IL1RAPL2: variants seen among roughly 807,000 people sequenced by gnomAD.
IL1RAPL2 encodes X-linked interleukin-1 receptor accessory protein-like 2.
IL1RAPL2 carries 3 observed loss-of-function variants against 44.1 expected under a neutral mutation model. That is an observed-to-expected ratio of 0.07 (90% confidence interval 0.03 to 0.18). IL1RAPL2 has a LOEUF of 0.18. IL1RAPL2 is among the 10% of genes least tolerant of loss of function. The pLI is 1.00. For missense variants in IL1RAPL2, 391 were observed against 496.4 expected (o/e 0.79, Z 2.02); for synonymous variants, 181 against 178.8 (o/e 1.01, Z -0.10).
At chrX:104,626,355 C>A (rs993119410) in intron 1 of IL1RAPL2, among the ~76,000 whole-genome samples, 2 of 108,070 alleles carry the variant, frequency 1.9e-5, no homozygotes, top group Admixed American at 1.0e-4. Flanking sequence ...ACTTTTATGA[C>A]CCTGAGGCAT....
At chrX:105,033,946 C>A (rs1207789725) in intron 2 of IL1RAPL2, among the ~76,000 whole-genome samples, 1 of 109,379 alleles carries the variant, frequency 9.1e-6, no homozygotes, top group African/African-American at 3.3e-5. Flanking sequence ...TTTCTCTAAA[C>A]TTCCCTTCTC....
At chrX:104,943,260 T>A (rs1326560241) in intron 2 of IL1RAPL2, among the ~76,000 whole-genome samples, 1 of 111,222 alleles carries the variant, frequency 9.0e-6, no homozygotes, top group Non-Finnish European at 1.9e-5. Context: ...CCCAGTTTCA[T>A]GGTTTTAAGC....
chrX:105,617,057 C>T (rs1223697246), intron 6 of IL1RAPL2, among the ~76,000 whole-genome samples: 2 of 110,259 alleles, frequency 1.8e-5, no homozygotes, highest in African/African-American at 6.6e-5. Flanking sequence ...CTTTGAGGAA[C>T]AAACTAGATA....
chrX:105,078,729 A>AG (rs2032352777), intron 2 of IL1RAPL2, among the ~76,000 whole-genome samples: 1 of 288 alleles, frequency 3.5e-3, no homozygotes, highest in East Asian at 0.059. Context: ...AGCCTGAGCA[A>AG]TGCGGTCGCC....
At chrX:105,083,869 T>C (rs1293168277) in intron 2 of IL1RAPL2, among the ~76,000 whole-genome samples, 1 of 111,553 alleles carries the variant, frequency 9.0e-6, no homozygotes, top group East Asian at 2.8e-4. Flanking sequence ...CATACCAAAT[T>C]GTAAAGACCA....
At chrX:105,250,687 A>G (rs1233347092) in intron 4 of IL1RAPL2, among the ~76,000 whole-genome samples, 1 of 111,457 alleles carries the variant, frequency 9.0e-6, no homozygotes, top group Non-Finnish European at 1.9e-5. Context: ...ATGTATAAGT[A>G]ATGCAATTTG....
intron 2 of IL1RAPL2, among the ~76,000 whole-genome samples, chrX:105,045,052 G>A (rs1187186294): frequency 2.7e-5 from 3 of 111,305 alleles, no homozygotes; most frequent in Admixed American, 1.9e-4. Flanking sequence ...CAACTTGAAT[G>A]TGTAGTTAGA....
chrX:104,604,136 A>G (rs1015203926), intron 1 of IL1RAPL2, among the ~76,000 whole-genome samples: 4 of 112,139 alleles, frequency 3.6e-5, no homozygotes, highest in Non-Finnish European at 7.5e-5. Flanking sequence ...GCCAGAAGAG[A>G]GTGGGGGCCA....
At chrX:105,280,823 G>A (rs1291747160) in intron 5 of IL1RAPL2, among the ~76,000 whole-genome samples, 1 of 111,439 alleles carries the variant, frequency 9.0e-6, no homozygotes, top group African/African-American at 3.3e-5. Context: ...TTACACTCTT[G>A]GTGGGAGTGT....
chrX:104,871,242 G>A lies in IL1RAPL2; in HGVS notation c.82+212247G>A, dbSNP rs1033722835. ...GTTTGTTTAAAAATATTTTATATTCGAGTTGTCTACTAAAGGAAATTTTCT... is the reference window on the plus strand; with the variant it reads ...GTTTGTTTAAAAATATTTTATATTCAAGTTGTCTACTAAAGGAAATTTTCT... On this transcript the variant is annotated intron_variant, in intron 2 of 10. Coordinates refer to ENST00000372582, the MANE Select transcript of IL1RAPL2 (RefSeq NM_017416.2). Among the ~76,000 whole-genome samples the A allele has an allele frequency of 3.6e-5, 4 of 111,396 alleles. 1 individual carries two copies. The highest frequency in any genetic ancestry group is 7.4e-4 in the South Asian group (2 of 2,693).
At chrX:104,909,479 C>A (rs1319067440) in intron 2 of IL1RAPL2, among the ~76,000 whole-genome samples, 1 of 111,740 alleles carries the variant, frequency 8.9e-6, no homozygotes, top group Non-Finnish European at 1.9e-5. Flanking sequence ...GTGGTTTTAT[C>A]TACTTTTGGT....
At chrX:104,660,620 G>GACACAC (rs3055134) in intron 2 of IL1RAPL2, among the ~76,000 whole-genome samples, 4,022 of 95,487 alleles carry the variant, frequency 0.042, 87 homozygotes, top group Non-Finnish European at 0.061. Flanking sequence ...TGTATGTATA[G>GACACAC]ACACACACAC....
chrX:105,335,183 A>T (rs2035018587), intron 5 of IL1RAPL2, among the ~76,000 whole-genome samples: 2 of 109,859 alleles, frequency 1.8e-5, no homozygotes, highest in Non-Finnish European at 1.9e-5. Flanking sequence ...TGTCTTTGCC[A>T]TGAATTTGGC....
intron 5 of IL1RAPL2, among the ~76,000 whole-genome samples, chrX:105,353,741 A>G (rs1375282256): frequency 9.0e-6 from 1 of 111,020 alleles, no homozygotes; most frequent in Non-Finnish European, 1.9e-5. Flanking sequence ...TTTGTCTGTT[A>G]TTGGTGTATA....
chrX:105,270,435 G>A (rs1445977975), intron 5 of IL1RAPL2, among the ~76,000 whole-genome samples: 1 of 111,703 alleles, frequency 9.0e-6, no homozygotes, highest in African/African-American at 3.2e-5. Context: ...ACTAGGGAAA[G>A]CAATCATTTA....
chrX:105,493,961 A>G (rs2036339374), intron 6 of IL1RAPL2, among the ~76,000 whole-genome samples: 1 of 112,169 alleles, frequency 8.9e-6, no homozygotes, highest in South Asian at 3.7e-4. Context: ...GAAGCACAAG[A>G]CAATATAAGA....
At chrX:105,022,965 T>C (rs1021110673) in intron 2 of IL1RAPL2, among the ~76,000 whole-genome samples, 4 of 110,968 alleles carry the variant, frequency 3.6e-5, no homozygotes, top group African/African-American at 1.3e-4. Flanking sequence ...GAGATGTATA[T>C]ACATGAAAAT....
Position 105,292,566 on chromosome X carries a change from G to T in IL1RAPL2, c.697+25025G>T, listed in dbSNP as rs150300779. Among the ~76,000 whole-genome samples the T allele has an allele frequency of 7.2e-5, 8 of 111,726 alleles. No individual in the cohort carries two copies. In the East Asian group the frequency reaches 2.0e-3, roughly 27 times the overall value. ...TAGAATCAGATATGATAATTTAGTTGTCTTCTGATAAGCCAGGCATTAAAC... is the reference window on the plus strand; with the variant it reads ...TAGAATCAGATATGATAATTTAGTTTTCTTCTGATAAGCCAGGCATTAAAC... On this transcript the variant is annotated intron_variant, in intron 5 of 10. Coordinates refer to ENST00000372582, the MANE Select transcript of IL1RAPL2 (RefSeq NM_017416.2).
At chrX:105,555,727 C>G (rs914995151) in intron 6 of IL1RAPL2, among the ~76,000 whole-genome samples, 1 of 112,203 alleles carries the variant, frequency 8.9e-6, no homozygotes, top group African/African-American at 3.2e-5. Context: ...ATGAGGTTAC[C>G]TCAGAGCTTT....
Sources: allele counts gnomAD v4.1 joint callset (sites outside exome capture counted in the v4.1 genomes callset), GRCh38; gene constraint gnomAD v4.1.1; transcripts MANE v1.5; gene names NCBI Gene and HGNC (gene_info 2026-07-23, HGNC 2026-07-21).